The following CDH2 variants were observed in gnomAD, a reference collection of about 807,000 sequenced individuals.
CDH2 encodes the protein cadherin-2.
CDH2 carries 17 observed loss-of-function variants against 92.0 expected under a neutral mutation model. The observed-to-expected ratio is 0.18, with a 90% CI of 0.13 to 0.28. The LOEUF is 0.28. Ranked by LOEUF, CDH2 falls within the 10% of genes least tolerant of loss-of-function variation. The pLI is 1.00. For synonymous variants in CDH2, 419 were observed against 415.9 expected (o/e 1.01, Z -0.09); for missense variants, 862 against 1,133.1 (o/e 0.76, Z 3.44).
chr18:28,054,890 GATT>G (rs111262102), intron 2 of CDH2, among the ~76,000 whole-genome samples: 3 of 152,148 alleles, frequency 2.0e-5, no homozygotes, highest in African/African-American at 7.2e-5. Context: ...ATGGCATAAG[GATT>G]ATTTTCAGCT....
chr18:28,134,135 C>CAAAAAAAAAAA (rs34083301), intron 2 of CDH2, among the ~76,000 whole-genome samples: 4 of 91,604 alleles, frequency 4.4e-5, no homozygotes, highest in Non-Finnish European at 6.3e-5. Context: ...ACTAAATTTA[C>CAAAAAAAAAAA]AAAAAAAAAA....
At chr18:27,970,867 T>C (rs1332464787) in intron 14 of CDH2, among the ~76,000 whole-genome samples, 1 of 152,172 alleles carries the variant, frequency 6.6e-6, no homozygotes, top group African/African-American at 2.4e-5. Context: ...ACATAAAAAA[T>C]GGGCATCAAT....
intron 1 of CDH2, among the ~76,000 whole-genome samples, chr18:28,175,039 G>C (rs540984795): frequency 6.6e-6 from 1 of 152,270 alleles, no homozygotes; most frequent in Admixed American, 6.5e-5. Context: ...TTTAGAAGCA[G>C]GACTTTTTTC....
At chr18:27,969,906 A>G (rs935259026) in intron 14 of CDH2, among the ~76,000 whole-genome samples, 4 of 152,220 alleles carry the variant, frequency 2.6e-5, no homozygotes, top group Non-Finnish European at 5.9e-5. Flanking sequence ...AGGCTGAGGC[A>G]GGAGAATCGC....
intron 6 of CDH2, among the ~76,000 whole-genome samples, chr18:28,004,339 G>C (rs1468685978): frequency 6.6e-6 from 1 of 152,142 alleles, no homozygotes; most frequent in Non-Finnish European, 1.5e-5. Context: ...GAATAAAAAG[G>C]TATCTTTCAG....
intron 7 of CDH2, among the ~76,000 whole-genome samples, chr18:27,996,817 T>C (rs1019977430): frequency 6.6e-6 from 1 of 152,202 alleles, no homozygotes; most frequent in Admixed American, 6.5e-5. Context: ...GGGTTTTGCA[T>C]GATCTTATCT....
chr18:28,059,642 C>G (rs1457520085), intron 2 of CDH2, among the ~76,000 whole-genome samples: 2 of 152,180 alleles, frequency 1.3e-5, no homozygotes, highest in Non-Finnish European at 2.9e-5. Context: ...CTGCCCAACT[C>G]TAGAATTGTG....
intron 2 of CDH2, among the ~76,000 whole-genome samples, chr18:28,123,486 A>T (rs1039257319): frequency 6.6e-6 from 1 of 152,160 alleles, no homozygotes; most frequent in Non-Finnish European, 1.5e-5. Context: ...GAATCAAATG[A>T]TTTCTGTTCA....
intron 11 of CDH2, among the ~76,000 whole-genome samples, chr18:27,987,779 C>CA (rs1213241981): frequency 6.6e-6 from 1 of 151,846 alleles, no homozygotes; most frequent in African/African-American, 2.4e-5. Context: ...ATCTATTTAA[C>CA]AAAAAAAGGA....
chr18:28,109,436 T>C (rs1490100781), intron 2 of CDH2, among the ~76,000 whole-genome samples: 1 of 152,186 alleles, frequency 6.6e-6, no homozygotes, highest in Non-Finnish European at 1.5e-5. Flanking sequence ...ACACAGTTCA[T>C]GCGGTAGTTA....
At chr18:28,036,787 A>G (rs1382728881) in intron 2 of CDH2, among the ~76,000 whole-genome samples, 2 of 152,148 alleles carry the variant, frequency 1.3e-5, no homozygotes, top group African/African-American at 4.8e-5. Flanking sequence ...GGCACAACAC[A>G]AAACCTTCCT....
At chr18:28,076,635 C>T (rs1443895362) in intron 2 of CDH2, among the ~76,000 whole-genome samples, 2 of 151,482 alleles carry the variant, frequency 1.3e-5, no homozygotes, top group African/African-American at 4.9e-5. Context: ...TCATGTGCTG[C>T]ACCCATTAAC....
chr18:28,054,492 C>CT (rs1212079144), intron 2 of CDH2, among the ~76,000 whole-genome samples: 1 of 152,146 alleles, frequency 6.6e-6, no homozygotes, highest in Non-Finnish European at 1.5e-5. Flanking sequence ...AGCTACAACA[C>CT]TTACAGAAAT....
chr18:28,103,830 C>T (rs1264500128), intron 2 of CDH2, among the ~76,000 whole-genome samples: 2 of 152,026 alleles, frequency 1.3e-5, no homozygotes, highest in Admixed American at 1.3e-4. Flanking sequence ...AGGACATGAA[C>T]TCATACTTTT....
chr18:27,964,544 C>G (rs1401921547), intron 14 of CDH2, among the ~76,000 whole-genome samples: 2 of 152,160 alleles, frequency 1.3e-5, no homozygotes, highest in African/African-American at 4.8e-5. Context: ...TTTCTTAGTT[C>G]AGGCTTCATC....
rs142299015 is a variant in CDH2, at chr18:28,153,858, A to G, written c.61-6074T>C. Among the ~76,000 whole-genome samples, 45 of 152,248 alleles carry G rather than the reference A, an allele frequency of 3.0e-4. No homozygotes were observed. In the East Asian group the frequency reaches 6.6e-3, roughly 22 times the overall value. Reference sequence around the variant, plus strand: ...ATACTATTGGGGCAACACGAATCCAACTCATGGTACATCTGCCATACAGGC... The same window carrying G: ...ATACTATTGGGGCAACACGAATCCAGCTCATGGTACATCTGCCATACAGGC... On this transcript the variant is annotated intron_variant, in intron 1 of 15. Transcript: ENST00000269141.
chr18:28,074,709 T>C (rs1038269475), intron 2 of CDH2, among the ~76,000 whole-genome samples: 7 of 151,534 alleles, frequency 4.6e-5, no homozygotes, highest in African/African-American at 1.7e-4. Context: ...TTTTTAACTA[T>C]TTAAATCTTT....
At chr18:28,167,915 A>C (rs538947941) in intron 1 of CDH2, among the ~76,000 whole-genome samples, 1 of 152,248 alleles carries the variant, frequency 6.6e-6, no homozygotes, top group South Asian at 2.1e-4. Context: ...CGCTGCAAAA[A>C]CAGACTTTTC....
intron 14 of CDH2, among the ~76,000 whole-genome samples, chr18:27,980,415 A>G (rs2012008037): frequency 6.6e-6 from 1 of 152,214 alleles, no homozygotes; most frequent in Admixed American, 6.5e-5. Context: ...GTGAAGGTAG[A>G]GGCCTTGGAA....
Sources: gnomAD v4.1 joint callset for allele counts (sites outside exome capture counted in the v4.1 genomes callset) on GRCh38, gnomAD v4.1.1 for gene constraint, MANE v1.5 for transcripts, NCBI Gene and HGNC (gene_info 2026-07-23, HGNC 2026-07-21) for gene names.